Variants in PDE1A observed in about 807,000 individuals in gnomAD.
PDE1A encodes the protein dual specificity calcium/calmodulin-dependent 3',5'-cyclic nucleotide phosphodiesterase 1A.
PDE1A carries 35 observed loss-of-function variants against 61.7 expected under a neutral mutation model. That is an observed-to-expected ratio of 0.57 (90% CI 0.43 to 0.75). The LOEUF is 0.75. Among genes scored for constraint, PDE1A ranks in the 30% least tolerant of loss-of-function variants. The pLI is 0.00. For synonymous variants in PDE1A, 232 were observed against 213.2 expected, an observed-to-expected ratio of 1.09 and a Z score of -0.77; for missense variants, 597 against 630.6, an observed-to-expected ratio of 0.95 and a Z score of 0.57.
intron 13 of PDE1A, among the ~76,000 whole-genome samples, chr2:182,157,609 T>C (rs1691164316): frequency 6.6e-6 from 1 of 152,176 alleles, no homozygotes; most frequent in Non-Finnish European, 1.5e-5. Flanking sequence ...TTTTTTCTCT[T>C]CGTTTTTTTC....
At chr2:182,246,867 A>G (rs1691014253) in intron 2 of PDE1A, among the ~76,000 whole-genome samples, 1 of 152,206 alleles carries the variant, frequency 6.6e-6, no homozygotes, top group Non-Finnish European at 1.5e-5. Flanking sequence ...CTGCTGTATC[A>G]TCAGCTTCTA....
chr2:182,416,744 T>G (rs1236724782), intron 1 of PDE1A, among the ~76,000 whole-genome samples: 1 of 152,328 alleles, frequency 6.6e-6, no homozygotes, highest in South Asian at 2.1e-4. Context: ...TATGTTTCTT[T>G]GGAACACTAC....
the PDE1A span, among the ~76,000 whole-genome samples, chr2:182,693,637 C>CT: frequency 2.8e-3 from 347 of 123,382 alleles, 4 homozygotes; most frequent in East Asian, 0.017. Context: ...TGATAGTGTT[C>CT]TTTTTTTTTT....
chr2:182,168,251 T>C (rs1270414992), exon 14 of PDE1A: 2 of 1,595,748 alleles, frequency 1.3e-6, no homozygotes, highest in East Asian at 2.2e-5. Flanking sequence ...AGGTGTTTAC[T>C]GATGAATAAA....
the PDE1A span, among the ~76,000 whole-genome samples, chr2:182,560,353 G>A: frequency 2.0e-5 from 3 of 151,394 alleles, no homozygotes; most frequent in African/African-American, 7.3e-5. Flanking sequence ...TGAGAATGAT[G>A]ATTTCCAGTT....
the PDE1A span, among the ~76,000 whole-genome samples, chr2:182,570,059 C>A: frequency 3.3e-5 from 5 of 152,142 alleles, no homozygotes; most frequent in Admixed American, 6.6e-5. Context: ...AGAGACCATG[C>A]CTTTTGCTTC....
intron 2 of PDE1A, among the ~76,000 whole-genome samples, chr2:182,455,716 A>G (rs1685868041): frequency 2.0e-5 from 3 of 152,014 alleles, no homozygotes; most frequent in Admixed American, 1.3e-4. Flanking sequence ...ATGAGAATCC[A>G]TGGACACAGG....
chr2:182,482,302 T>A (rs1687751954), intron 2 of PDE1A, among the ~76,000 whole-genome samples: 1 of 151,926 alleles, frequency 6.6e-6, no homozygotes, highest in Non-Finnish European at 1.5e-5. Flanking sequence ...CTATCAGTAT[T>A]GAGAAAAATT....
At chr2:182,557,107 CA>C in the PDE1A span, among the ~76,000 whole-genome samples, 1 of 151,272 alleles carries the variant, frequency 6.6e-6, no homozygotes, top group African/African-American at 2.4e-5. Flanking sequence ...CCAGCCTGGC[CA>C]ACATGGCAAA....
upstream of PDE1A, among the ~76,000 whole-genome samples, chr2:182,428,953 G>T (rs145071586): frequency 7.9e-5 from 12 of 152,188 alleles, no homozygotes; most frequent in African/African-American, 2.6e-4. Context: ...CAAACGGCAA[G>T]CAAGTATGAA....
the PDE1A span, among the ~76,000 whole-genome samples, chr2:182,638,226 A>G: frequency 2.6e-5 from 4 of 152,212 alleles, no homozygotes; most frequent in Non-Finnish European, 4.4e-5. Context: ...ATTAGTTCAA[A>G]CTAAATAATT....
intron 1 of PDE1A, among the ~76,000 whole-genome samples, chr2:182,403,257 A>C (rs1702107234): frequency 6.6e-6 from 1 of 152,202 alleles, no homozygotes. Flanking sequence ...ACAATCACAA[A>C]GACTTGGAAC....
In PDE1A at chr2:182,186,591, A is replaced by G; in HGVS notation, c.1208-3T>C. On this transcript the variant is annotated splice_region_variant and splice_polypyrimidine_tract_variant and intron_variant, in intron 11 of 13. Transcript: ENST00000351439. ...CTCTACTATGAAATCGATGAAACCT[A>G]CAAAAGCCAAAATGAGAAGAGAGAG... 6.3e-7 allele frequency: 1 copy of G among 1,594,356 alleles called. No individual in the cohort carries two copies. Among genetic ancestry groups the G allele is most frequent in the Non-Finnish European group, 8.5e-7 (1 of 1,172,922 alleles).
intron 1 of PDE1A, among the ~76,000 whole-genome samples, chr2:182,266,258 A>C (rs2125797575): frequency 6.6e-6 from 1 of 152,310 alleles, no homozygotes; most frequent in Non-Finnish European, 1.5e-5. Context: ...AAAACAGGTT[A>C]CTTAGAAAGG....
At chr2:182,527,367 T>C (rs112169438), upstream of PDE1A, among the ~76,000 whole-genome samples, 9 of 83,244 alleles carry the variant, frequency 1.1e-4, 1 homozygote, top group African/African-American at 1.5e-4. Flanking sequence ...TATATATATA[T>C]ATATATACAC....
At chr2:182,307,277 T>G (rs540776742) in intron 1 of PDE1A, among the ~76,000 whole-genome samples, 1 of 152,308 alleles carries the variant, frequency 6.6e-6, no homozygotes, top group East Asian at 1.9e-4. Flanking sequence ...TATAACAGCA[T>G]TAGAGGGTGG....
intron 13 of PDE1A, among the ~76,000 whole-genome samples, chr2:182,183,078 AT>A (rs1684902868): frequency 1.3e-5 from 2 of 152,182 alleles, no homozygotes; most frequent in African/African-American, 4.8e-5. Context: ...AACATAAATA[AT>A]ATAGTAATAA....
At chr2:182,266,074 C>A (rs1219968863) in intron 1 of PDE1A, among the ~76,000 whole-genome samples, 1 of 152,092 alleles carries the variant, frequency 6.6e-6, no homozygotes, top group African/African-American at 2.4e-5. Context: ...AAAAGACACA[C>A]CTAAATGAAA....
intron 1 of PDE1A, among the ~76,000 whole-genome samples, chr2:182,395,762 G>A (rs1203530634): frequency 6.6e-6 from 1 of 152,164 alleles, no homozygotes; most frequent in Non-Finnish European, 1.5e-5. Context: ...CCTTTGGAAG[G>A]CCCCCATAGG....
Sources: gnomAD v4.1 joint callset for allele counts (sites outside exome capture counted in the v4.1 genomes callset) on GRCh38, gnomAD v4.1.1 for gene constraint, MANE v1.5 for transcripts, NCBI Gene and HGNC (gene_info 2026-07-23, HGNC 2026-07-21) for gene names.